Variants in CHCHD6 observed in about 807,000 individuals in gnomAD.
CHCHD6 encodes MICOS complex subunit MIC25.
Under a neutral mutation model 32.3 loss-of-function variants are expected in CHCHD6, and 28 were observed. The ratio of observed to expected loss-of-function variants is 0.87; its 90% CI spans 0.64 to 1.19. The LOEUF (loss-of-function observed/expected upper bound fraction) is 1.19. Among genes scored for constraint, CHCHD6 ranks in the 50% most tolerant of loss-of-function variants. CHCHD6 has a pLI of 0.00. For missense variants in CHCHD6, 333 were observed against 307.0 expected (o/e 1.08, Z -0.63); for synonymous variants, 122 against 117.5 (o/e 1.04, Z -0.25).
chr3:126,895,589 A>G (rs1392732708), intron 5 of CHCHD6, among the ~76,000 whole-genome samples: 2 of 152,252 alleles, frequency 1.3e-5, no homozygotes, highest in African/African-American at 4.8e-5. Context: ...CAACAGAGCC[A>G]AACACCCATT....
chr3:126,856,516 C>T (rs1263197704), intron 5 of CHCHD6, among the ~76,000 whole-genome samples: 1 of 152,242 alleles, frequency 6.6e-6, no homozygotes, highest in Admixed American at 6.5e-5. Flanking sequence ...GCCATCTTAG[C>T]TGTGCTCCCA....
intron 6 of CHCHD6, among the ~76,000 whole-genome samples, chr3:126,948,820 T>A (rs981736036): frequency 6.6e-6 from 1 of 152,220 alleles, no homozygotes; most frequent in African/African-American, 2.4e-5. Context: ...TCATTTGGTG[T>A]TAGAGTCTGT....
intron 5 of CHCHD6, among the ~76,000 whole-genome samples, chr3:126,900,708 G>A (rs1367504875): frequency 6.7e-6 from 1 of 150,078 alleles, no homozygotes; most frequent in Non-Finnish European, 1.5e-5. Flanking sequence ...AGGTTCAAGT[G>A]ATTCTCCTGC....
intron 6 of CHCHD6, chr3:126,949,256 A>G (rs2078680469): frequency 1.3e-5 from 2 of 157,846 alleles, no homozygotes; most frequent in South Asian, 3.6e-4. Flanking sequence ...TTTCCTATCT[A>G]GGCACAAACA....
At chr3:126,836,308 G>GT (rs936304274) in intron 4 of CHCHD6, among the ~76,000 whole-genome samples, 2 of 152,162 alleles carry the variant, frequency 1.3e-5, no homozygotes, top group African/African-American at 2.4e-5. Context: ...CTTTGCATTG[G>GT]TTTTTTCAGC....
intron 2 of CHCHD6, 82 bp downstream of exon 2, chr3:126,727,268 C>T (rs944100631): frequency 9.5e-6 from 9 of 946,580 alleles, no homozygotes; most frequent in Admixed American, 3.9e-5. Context: ...CACCTGATGG[C>T]GCACAGGGCT....
At chr3:126,878,692 G>A (rs1192507181) in intron 5 of CHCHD6, among the ~76,000 whole-genome samples, 1 of 152,250 alleles carries the variant, frequency 6.6e-6, no homozygotes, top group Admixed American at 6.5e-5. Flanking sequence ...CAAAAATCAT[G>A]AATTGGTCTG....
intron 5 of CHCHD6, among the ~76,000 whole-genome samples, chr3:126,891,184 C>T (rs2077754045): frequency 1.3e-5 from 2 of 152,074 alleles, no homozygotes; most frequent in African/African-American, 4.8e-5. Flanking sequence ...TGCTGCAGCC[C>T]CAAGTATACC....
rs1443626472 is a variant in CHCHD6 at position 126,945,653 on chromosome 3, G to A, written c.567-11763G>A. ...GGAGACTCAAGTCGGGAGACTCAGG[G>A]AGACTCAAGCGGGGAGACTTGGGAG... On this transcript the variant is annotated intron_variant, in intron 6 of 7. Coordinates refer to ENST00000290913, the MANE Select transcript of CHCHD6 (RefSeq NM_032343.3). 2.1e-4 allele frequency among the ~76,000 whole-genome samples: 29 copies of A among 137,960 alleles called. 2 individuals are homozygous for A. The highest frequency in any genetic ancestry group is 4.7e-5 in the Non-Finnish European group (3 of 63,740). The allele number at this position is 137,960 out of a possible 152,430, so 90.5% of individuals were successfully genotyped here. A position where few individuals can be genotyped will look rare whatever the true frequency, so the allele number is the denominator to read the frequency against.
At chr3:126,914,883 C>T (rs1452932894) in intron 6 of CHCHD6, 133 bp downstream of exon 6, 1 of 663,194 alleles carries the variant, frequency 1.5e-6, no homozygotes, top group Non-Finnish European at 2.7e-6. Flanking sequence ...TGTTCCTCAG[C>T]TCTCTCACCT....
At chr3:126,833,256 G>A (rs915973532) in intron 4 of CHCHD6, among the ~76,000 whole-genome samples, 1 of 152,128 alleles carries the variant, frequency 6.6e-6, no homozygotes, top group African/African-American at 2.4e-5. Flanking sequence ...GTTTCCTTCC[G>A]AAGTTGGGGG....
intron 4 of CHCHD6, among the ~76,000 whole-genome samples, chr3:126,805,959 C>T (rs1274018395): frequency 7.2e-5 from 11 of 152,104 alleles, no homozygotes; most frequent in African/African-American, 2.4e-4. Context: ...GAAAGGATTC[C>T]CTATATAATA....
intron 1 of CHCHD6, among the ~76,000 whole-genome samples, chr3:126,720,874 A>G (rs1216689354): frequency 6.6e-6 from 1 of 152,050 alleles, no homozygotes; most frequent in Non-Finnish European, 1.5e-5. Context: ...TCTCCCATAC[A>G]CTGACTCACT....
At chr3:126,748,781 A>G (rs969506759) in intron 4 of CHCHD6, among the ~76,000 whole-genome samples, 1 of 152,028 alleles carries the variant, frequency 6.6e-6, no homozygotes, top group African/African-American at 2.4e-5. Flanking sequence ...TGCTCCATCC[A>G]TCCATTCAAG....
chr3:126,865,150 TTTCCACCA>T (rs1942240523), intron 5 of CHCHD6, among the ~76,000 whole-genome samples: 2 of 34,118 alleles, frequency 5.9e-5, no homozygotes, highest in African/African-American at 1.5e-4. Context: ...ACCACCTCCT[TTTCCACCA>T]CCTCCACTTC....
At chr3:126,767,740 G>A (rs1279462871) in intron 4 of CHCHD6, among the ~76,000 whole-genome samples, 3 of 152,092 alleles carry the variant, frequency 2.0e-5, no homozygotes, top group East Asian at 1.9e-4. Context: ...GATTCTCTCC[G>A]TCTTCCTACC....
At chr3:126,834,195 G>T (rs1235505688) in intron 4 of CHCHD6, among the ~76,000 whole-genome samples, 1 of 151,906 alleles carries the variant, frequency 6.6e-6, no homozygotes, top group Non-Finnish European at 1.5e-5. Flanking sequence ...CAAGTTTCAT[G>T]CCAGGTGTGG....
intron 1 of CHCHD6, among the ~76,000 whole-genome samples, chr3:126,725,982 C>A (rs544728025): frequency 1.3e-5 from 2 of 152,186 alleles, no homozygotes; most frequent in Non-Finnish European, 2.9e-5. Flanking sequence ...GCAGTGAGTC[C>A]GTTTCACTTT....
intron 4 of CHCHD6, among the ~76,000 whole-genome samples, chr3:126,737,273 C>T (rs1307035782): frequency 3.3e-5 from 5 of 151,846 alleles, no homozygotes; most frequent in African/African-American, 4.8e-5. Context: ...TGAGCTGAAT[C>T]GCGCCATTGC....
Sources: allele counts gnomAD v4.1 joint callset (sites outside exome capture counted in the v4.1 genomes callset), GRCh38; gene constraint gnomAD v4.1.1; transcripts MANE v1.5; gene names NCBI Gene and HGNC (gene_info 2026-07-23, HGNC 2026-07-21).